The following NEDD4L variants were observed in gnomAD, a reference collection of about 807,000 sequenced individuals.
NEDD4L encodes the protein E3 ubiquitin-protein ligase NEDD4-like.
NEDD4L carries 54 observed loss-of-function variants against 148.9 expected under a neutral mutation model. The observed-to-expected ratio is 0.36, with a 90% CI of 0.29 to 0.45. NEDD4L has a LOEUF of 0.45. Ranked by LOEUF, NEDD4L falls within the 20% of genes least tolerant of loss-of-function variation. The pLI, the probability that NEDD4L is intolerant of heterozygous loss-of-function variation, is 1.00. For synonymous variants in NEDD4L, 433 were observed against 440.7 expected (o/e 0.98, Z 0.22); for missense variants, 856 against 1,233.8 (o/e 0.69, Z 4.59).
At chr18:58,102,558 A>T (rs978639910) in intron 1 of NEDD4L, among the ~76,000 whole-genome samples, 7 of 152,274 alleles carry the variant, frequency 4.6e-5, no homozygotes, top group African/African-American at 1.7e-4. Context: ...CCCCACCCCC[A>T]TCTGCAGGTT....
intron 2 of NEDD4L, chr18:58,195,620 C>T: frequency 7.4e-7 from 1 of 1,348,346 alleles, no homozygotes; most frequent in Non-Finnish European, 9.8e-7. Context: ...CTGGCGGAGA[C>T]CAGGATTTCT....
chr18:58,240,892 CT>C (rs1236682295), intron 2 of NEDD4L, among the ~76,000 whole-genome samples: 1 of 152,116 alleles, frequency 6.6e-6, no homozygotes. Flanking sequence ...TCACTGCAAC[CT>C]CCCCCTCCTG....
chr18:58,190,609 TCTAA>T lies in NEDD4L; in HGVS notation c.122+24753_122+24756del, dbSNP rs560299217. Among the ~76,000 whole-genome samples, 6 of 152,372 alleles carry T rather than the reference TCTAA, an allele frequency of 3.9e-5. No individual in the cohort carries two copies. In the South Asian group the frequency reaches 6.2e-4, roughly 16 times the overall value. ...CTCATGAGTGTTTATTTTCTTTTCT[TCTAA>T]CTAAGTATGTATATGTGTAAGTGTG... On this transcript the variant is annotated intron_variant, in intron 2 of 30. Coordinates refer to ENST00000400345, the MANE Select transcript of NEDD4L (RefSeq NM_001144967.3).
At chr18:58,116,165 A>G (rs2085824356) in intron 1 of NEDD4L, among the ~76,000 whole-genome samples, 1 of 152,250 alleles carries the variant, frequency 6.6e-6, no homozygotes, top group East Asian at 1.9e-4. Flanking sequence ...CCACCTGGTC[A>G]TTTGATTACA....
intron 13 of NEDD4L, 67 bp from the exon 14 acceptor site, chr18:58,340,971 T>TAA (rs2042343991): frequency 1.3e-6 from 2 of 1,487,518 alleles, no homozygotes; most frequent in South Asian, 2.6e-5. Flanking sequence ...GGGTGTACCT[T>TAA]ACTTTATTAA....
chr18:58,256,177 C>G lies in NEDD4L; in HGVS notation c.297+4123C>G, dbSNP rs1157655797. 15 of 1,217,230 alleles carry G rather than the reference C, an allele frequency of 1.2e-5. No individual in the cohort carries two copies. Among genetic ancestry groups the G allele is most frequent in the African/African-American group, 3.1e-5 (2 of 63,692 alleles). The allele number at this position is 1,217,230 out of a possible 1,614,324, so 75.4% of individuals were successfully genotyped here. ...GCCGCCGCGTGCGGTGCTCCGGCCC[C>G]GTGGACTGCGCGGAGGAGGCTGCCC... On this transcript the variant is annotated intron_variant, in intron 5 of 30. Coordinates refer to ENST00000400345, the MANE Select transcript of NEDD4L (RefSeq NM_001144967.3). The surrounding 1 kb of genome is among the most constrained non-coding windows in gnomAD (Gnocchi z 5.2).
chr18:58,259,250 A>AG (rs2049019889), intron 5 of NEDD4L, among the ~76,000 whole-genome samples: 1 of 152,240 alleles, frequency 6.6e-6, no homozygotes, highest in Non-Finnish European at 1.5e-5. Context: ...GAAAAAATAC[A>AG]GGGGAAACCC....
At chr18:58,285,688 A>G (rs554935673) in intron 5 of NEDD4L, among the ~76,000 whole-genome samples, 48 of 152,362 alleles carry the variant, frequency 3.2e-4, no homozygotes, top group Admixed American at 9.1e-4. Context: ...AGCTCACTGT[A>G]TAATTTTTGC....
chr18:58,342,509 C>T (rs1250286858), intron 15 of NEDD4L, among the ~76,000 whole-genome samples: 4 of 152,140 alleles, frequency 2.6e-5, no homozygotes, highest in Admixed American at 1.3e-4. Flanking sequence ...GATTCCAGAT[C>T]GTTGTATTTA....
intron 17 of NEDD4L, among the ~76,000 whole-genome samples, chr18:58,350,601 A>T (rs780364344): frequency 2.5e-4 from 38 of 152,352 alleles, no homozygotes; most frequent in Admixed American, 1.2e-3. Context: ...GGACAACACA[A>T]ATACAGTTAA....
At chr18:58,076,864 T>C (rs915726611) in intron 1 of NEDD4L, among the ~76,000 whole-genome samples, 5 of 151,306 alleles carry the variant, frequency 3.3e-5, no homozygotes, top group African/African-American at 9.7e-5. Context: ...TTTTTTTTTT[T>C]TTTTGAGATG....
At chr18:58,387,670 T>A in intron 27 of NEDD4L, 172 bp downstream of exon 27, 1 of 737,914 alleles carries the variant, frequency 1.4e-6, no homozygotes, top group Non-Finnish European at 2.0e-6. Flanking sequence ...TTCTATTACA[T>A]GTCTCTTATG....
intron 1 of NEDD4L, among the ~76,000 whole-genome samples, chr18:58,058,958 G>T (rs1384745612): frequency 6.6e-6 from 1 of 152,188 alleles, no homozygotes. Context: ...CCCCTTGACC[G>T]TTTACTCCAT....
chr18:58,241,490 T>TC (rs1048048233), intron 2 of NEDD4L, among the ~76,000 whole-genome samples: 5 of 152,190 alleles, frequency 3.3e-5, no homozygotes, highest in Admixed American at 6.5e-5. Flanking sequence ...GCCTTCAGAC[T>TC]CCATCTGGCA....
At position 58,325,072 on chromosome 18, in the gene NEDD4L, C is replaced by T; in HGVS notation, c.590C>T (p.Pro197Leu). 6.2e-7 allele frequency: 1 copy of T among 1,614,028 alleles called. No individual in the cohort carries two copies. Among genetic ancestry groups the T allele is most frequent in the Non-Finnish European group, 8.5e-7 (1 of 1,179,898 alleles). Residue 197 changes from proline to leucine, a missense_variant, in exon 9 of 31, where the codon CCC becomes CTC. Pro to Leu is a moderately conservative substitution (Grantham distance 98, BLOSUM62 -3). Coordinates refer to ENST00000400345, the MANE Select transcript of NEDD4L (RefSeq NM_001144967.3). The part of the protein sequence containing the change: ...QEELPPPPLP[P>L]GWEEKVDNLG... ...GAACTTCCTCCTCCTCCTCTGCCTC[C>T]CGGGTGGGAAGAAAAAGTGGACAAT...
intron 18 of NEDD4L, among the ~76,000 whole-genome samples, chr18:58,354,165 T>C (rs1379217377): frequency 6.6e-6 from 1 of 152,206 alleles, no homozygotes; most frequent in African/African-American, 2.4e-5. Flanking sequence ...GGTCTTAAAC[T>C]GAATCTCTAC....
At chr18:58,258,007 A>G (rs1288845511) in intron 5 of NEDD4L, among the ~76,000 whole-genome samples, 2 of 152,212 alleles carry the variant, frequency 1.3e-5, no homozygotes, top group African/African-American at 2.4e-5. Flanking sequence ...TTGTGTTCAG[A>G]AATAAGTTTC....
At position 58,176,106 on chromosome 18, in the gene NEDD4L, A is replaced by G. The variant is rs1042836919; in HGVS notation, c.122+10245A>G. Among the ~76,000 whole-genome samples the G allele has an allele frequency of 4.0e-5, 6 of 151,246 alleles. No individual in the cohort carries two copies. The East Asian group carries it at 1.2e-3, about 29-fold the overall frequency. ...GTGAGCATGCAGGGAATATATGATC[A>G]GTTTACAAACATTTCCACATAAGCT... On this transcript the variant is annotated intron_variant, in intron 2 of 30. Transcript: ENST00000400345.
chr18:58,066,028 T>C (rs996874362), intron 1 of NEDD4L, among the ~76,000 whole-genome samples: 1 of 152,230 alleles, frequency 6.6e-6, no homozygotes, highest in Non-Finnish European at 1.5e-5. Context: ...TCATACTCTT[T>C]AATATTCATA....
Sources: gnomAD v4.1 joint callset for allele counts (sites outside exome capture counted in the v4.1 genomes callset) on GRCh38, gnomAD v4.1.1 for gene constraint, Gnocchi (gnomAD v3.1) non-coding constraint, MANE v1.5 for transcripts, NCBI Gene and HGNC (gene_info 2026-07-23, HGNC 2026-07-21) for gene names.